LMBRD1: variants seen among roughly 807,000 people sequenced by gnomAD.
The protein encoded by LMBRD1 is LMBR1 domain containing 1, also known as lysosomal cobalamin transport escort protein LMBD1.
LMBRD1 carries 64 observed loss-of-function variants against 74.8 expected under a neutral mutation model. The observed-to-expected ratio is 0.86, with a 90% confidence interval of 0.70 to 1.05. The LOEUF (loss-of-function observed/expected upper bound fraction) is 1.05, where lower values mean the gene tolerates loss of function less well. LMBRD1 is among the 50% of genes least tolerant of loss of function. LMBRD1 has a pLI of 0.00. For missense variants in LMBRD1, 652 were observed against 645.9 expected (o/e 1.01, Z -0.10); for synonymous variants, 204 against 216.3 (o/e 0.94, Z 0.50).
chr6:69,790,504 T>C, intron 1 of LMBRD1, 32 bp from the exon 2 acceptor site: 1 of 1,590,818 alleles, frequency 6.3e-7, no homozygotes, highest in African/African-American at 1.3e-5. Flanking sequence ...TGTTTGTTAC[T>C]ACCCAGTGTA....
intron 14 of LMBRD1, among the ~76,000 whole-genome samples, chr6:69,680,996 A>G (rs1562081035): frequency 6.6e-6 from 1 of 152,090 alleles, no homozygotes; most frequent in Non-Finnish European, 1.5e-5. Context: ...GTAAATTTAA[A>G]CTGTTGGATA....
intron 7 of LMBRD1, among the ~76,000 whole-genome samples, chr6:69,726,767 T>G: frequency 7.2e-6 from 1 of 138,470 alleles, no homozygotes. Flanking sequence ...GTAAGGATGG[T>G]TACTAGGTAC....
chr6:69,758,789 C>T (rs1765318032), intron 3 of LMBRD1, among the ~76,000 whole-genome samples: 1 of 152,132 alleles, frequency 6.6e-6, no homozygotes, highest in Non-Finnish European at 1.5e-5. Context: ...CTATTCCAAG[C>T]CCTTGGTCAT....
Position 69,699,202 on chromosome 6 carries a change from A to G in LMBRD1, c.1189-10T>C. 6.2e-7 allele frequency: 1 copy of G among 1,608,990 alleles called. No individual in the cohort carries two copies. Among genetic ancestry groups the G allele is most frequent in the Non-Finnish European group, 8.5e-7 (1 of 1,175,874 alleles). On this transcript the variant is annotated splice_polypyrimidine_tract_variant and intron_variant, in intron 12 of 15. Transcript: ENST00000649934. ...TTCTGATTTTATATAACTGGAAAGA[A>G]AAGAGTGACAAAATTTCAGCAATAT...
chr6:69,725,836 T>C (rs1766719753), intron 7 of LMBRD1, among the ~76,000 whole-genome samples: 1 of 152,138 alleles, frequency 6.6e-6, no homozygotes, highest in African/African-American at 2.4e-5. Flanking sequence ...ATAAAGCTTC[T>C]TAAGTAATAC....
rs16868038 is a variant in LMBRD1, at chr6:69,690,036, G to A, written c.1417+7527C>T. Among the ~76,000 whole-genome samples, 1,058 of 149,022 alleles carry A rather than the reference G, an allele frequency of 7.1e-3. 19 individuals are homozygous for A. In the East Asian group the frequency reaches 0.081, roughly 11 times the overall value. ...ATAGTATTAGCATACAATGTACTGC[G>A]AGGGTTTCATTCACTCATTCATTCA... On this transcript the variant is annotated intron_variant, in intron 14 of 15. Coordinates refer to ENST00000649934, the MANE Select transcript of LMBRD1 (RefSeq NM_018368.4).
rs1454373196 is a variant in LMBRD1 at position 69,675,125 on chromosome 6, G to C, written c.*1033C>G. On this transcript the variant is annotated 3_prime_UTR_variant, in exon 16 of 16. Transcript: ENST00000649934. ...TGAAGAATCAGAACAGAGAAAAATG[G>C]CACAAAAATTAAGGGAGAGAATAAT... Among the ~76,000 whole-genome samples, 1 of 151,956 alleles carries C rather than the reference G, an allele frequency of 6.6e-6. No individual in the cohort carries two copies. Among genetic ancestry groups the C allele is most frequent in the Non-Finnish European group, 1.5e-5 (1 of 67,988 alleles).
At chr6:69,796,604 G>A (rs1766238086) in intron 1 of LMBRD1, among the ~76,000 whole-genome samples, 1 of 152,108 alleles carries the variant, frequency 6.6e-6, no homozygotes, top group Non-Finnish European at 1.5e-5. Context: ...CGTCATCGGT[G>A]AAATGACAGC....
chr6:69,790,140 G>A (rs185583343), intron 2 of LMBRD1, among the ~76,000 whole-genome samples, 156 bp downstream of exon 2: 3 of 152,234 alleles, frequency 2.0e-5, no homozygotes, highest in Admixed American at 6.5e-5. Context: ...GTCTGCTTCT[G>A]GTCTATCAGG....
chr6:69,690,736 C>T (rs1335986144), intron 14 of LMBRD1, among the ~76,000 whole-genome samples: 2 of 152,066 alleles, frequency 1.3e-5, no homozygotes, highest in Admixed American at 1.3e-4. Flanking sequence ...TCTTGTGTAC[C>T]TCATAAATAT....
chr6:69,706,485 T>C (rs1293264675), intron 9 of LMBRD1, among the ~76,000 whole-genome samples: 1 of 152,216 alleles, frequency 6.6e-6, no homozygotes, highest in Non-Finnish European at 1.5e-5. Context: ...TGTTTGAAAC[T>C]TCCTGATACT....
chr6:69,762,027 G>A (rs1002525609), intron 3 of LMBRD1, among the ~76,000 whole-genome samples: 1 of 152,186 alleles, frequency 6.6e-6, no homozygotes, highest in Non-Finnish European at 1.5e-5. Flanking sequence ...TAGCAAAGCA[G>A]TCATAGACAA....
chr6:69,752,924 C>T (rs1164753181), intron 3 of LMBRD1, among the ~76,000 whole-genome samples: 2 of 152,094 alleles, frequency 1.3e-5, no homozygotes, highest in Non-Finnish European at 1.5e-5. Context: ...TAAAATTAGA[C>T]TCTCTATTTA....
At chr6:69,755,134 T>C (rs1327759823) in intron 3 of LMBRD1, among the ~76,000 whole-genome samples, 3 of 152,176 alleles carry the variant, frequency 2.0e-5, no homozygotes, top group Non-Finnish European at 4.4e-5. Flanking sequence ...TGCACACATA[T>C]GTTTACTGCA....
In LMBRD1 at chr6:69,796,948, A is replaced by T; in HGVS notation, c.-67T>A. On this transcript the variant is annotated 5_prime_UTR_variant, in exon 1 of 16. Transcript: ENST00000649934. ...GAAAGGGGAGGGGGAAAGGGGAGAG[A>T]GCGCGAGATATACTGCACCCGCGCA... The T allele has an allele frequency of 7.2e-7, 1 of 1,382,074 alleles. No individual in the cohort carries two copies. The highest frequency in any genetic ancestry group is 1.8e-5 in the Admixed American group (1 of 54,976). The allele number at this position is 1,382,074 out of a possible 1,614,324, so 85.6% of individuals were successfully genotyped here.
rs575441375 is a variant in LMBRD1, at chr6:69,740,505, T to A, written c.562+1284A>T. On this transcript the variant is annotated intron_variant, in intron 6 of 15. Transcript: ENST00000649934. ...CAGCAATAGAATCAAGGTACATAAA[T>A]CTGACAATTCAGTATTAGTAGATGC... Among the ~76,000 whole-genome samples, 3 of 152,274 alleles carry A rather than the reference T, an allele frequency of 2.0e-5. No individual in the cohort carries two copies. In the South Asian group the frequency reaches 6.2e-4, roughly 32 times the overall value.
At chr6:69,712,092 T>C (rs1443663645) in intron 9 of LMBRD1, among the ~76,000 whole-genome samples, 1 of 152,138 alleles carries the variant, frequency 6.6e-6, no homozygotes, top group Non-Finnish European at 1.5e-5. Context: ...CCAGCTTCAT[T>C]CTGCCTAACT....
chr6:69,793,162 ACT>A (rs1766126842), intron 1 of LMBRD1, among the ~76,000 whole-genome samples: 1 of 152,196 alleles, frequency 6.6e-6, no homozygotes, highest in South Asian at 2.1e-4. Flanking sequence ...CAAATATATA[ACT>A]CTGTTAACAA....
chr6:69,708,133 A>C (rs1766302490), intron 9 of LMBRD1, among the ~76,000 whole-genome samples: 1 of 152,202 alleles, frequency 6.6e-6, no homozygotes, highest in South Asian at 2.1e-4. Flanking sequence ...TAGCTGTATA[A>C]GCTCAAAGTA....
Sources: gnomAD v4.1 joint callset for allele counts (sites outside exome capture counted in the v4.1 genomes callset) on GRCh38, gnomAD v4.1.1 for gene constraint, MANE v1.5 for transcripts, NCBI Gene and HGNC (gene_info 2026-07-23, HGNC 2026-07-21) for gene names.